Variants in SLC1A1 observed in about 807,000 individuals in gnomAD.
SLC1A1 encodes excitatory amino acid transporter 3.
A neutral mutation model predicts 53.3 loss-of-function variants in SLC1A1; 43 were observed. The observed-to-expected ratio is 0.81, with a 90% CI of 0.63 to 1.04. The LOEUF (loss-of-function observed/expected upper bound fraction) is 1.04, where lower values mean the gene tolerates loss of function less well. SLC1A1 is among the 50% of genes least tolerant of loss of function. The pLI is 0.00. For synonymous variants in SLC1A1, 307 were observed against 243.2 expected, an observed-to-expected ratio of 1.26 and a Z score of -2.44; for missense variants, 748 against 664.9, an observed-to-expected ratio of 1.12 and a Z score of -1.37.
At chr9:4,528,306 C>A (rs1438177035) in intron 1 of SLC1A1, among the ~76,000 whole-genome samples, 2 of 152,198 alleles carry the variant, frequency 1.3e-5, no homozygotes, top group Admixed American at 6.5e-5. Context: ...GGCACAGTGG[C>A]TCATGCCTGT....
At chr9:4,535,637 G>C (rs982876902) in intron 1 of SLC1A1, among the ~76,000 whole-genome samples, 9 of 152,080 alleles carry the variant, frequency 5.9e-5, no homozygotes, top group African/African-American at 2.2e-4. Context: ...TACTGCCCAA[G>C]GTAATTTATA....
chr9:4,559,450 G>A (rs1033317559), intron 2 of SLC1A1, among the ~76,000 whole-genome samples: 1 of 146,762 alleles, frequency 6.8e-6, no homozygotes, highest in Non-Finnish European at 1.5e-5. Flanking sequence ...GAAATGACTT[G>A]TTCTGTCATC....
intron 1 of SLC1A1, among the ~76,000 whole-genome samples, chr9:4,514,065 C>T (rs536957238): frequency 6.6e-5 from 10 of 152,144 alleles, no homozygotes; most frequent in Non-Finnish European, 1.5e-4. Context: ...AAAGATACAG[C>T]ATGAGAGAGC....
At chr9:4,580,456 C>A (rs954754759) in intron 10 of SLC1A1, among the ~76,000 whole-genome samples, 3 of 151,858 alleles carry the variant, frequency 2.0e-5, no homozygotes, top group African/African-American at 7.3e-5. Context: ...TGGAGTGCAT[C>A]TGTGGTCTCA....
At chr9:4,558,094 C>G (rs1818592789) in intron 2 of SLC1A1, among the ~76,000 whole-genome samples, 1 of 152,142 alleles carries the variant, frequency 6.6e-6, no homozygotes, top group Non-Finnish European at 1.5e-5. Flanking sequence ...TGACATTACT[C>G]GCAGATGGGG....
chr9:4,531,139 A>C (rs1816451468), intron 1 of SLC1A1, among the ~76,000 whole-genome samples: 1 of 152,228 alleles, frequency 6.6e-6, no homozygotes, highest in Non-Finnish European at 1.5e-5. Context: ...GTGACTCAGA[A>C]GATGGGTGAT....
intron 1 of SLC1A1, among the ~76,000 whole-genome samples, chr9:4,539,281 G>A (rs1228081245): frequency 6.6e-6 from 1 of 152,212 alleles, no homozygotes; most frequent in African/African-American, 2.4e-5. Flanking sequence ...AAAAACGAGA[G>A]AGGGAGAGAT....
chr9:4,571,027 T>C (rs111364505), intron 6 of SLC1A1, among the ~76,000 whole-genome samples: 8 of 152,130 alleles, frequency 5.3e-5, no homozygotes, highest in African/African-American at 1.4e-4. Context: ...TGTACATATA[T>C]ACCATGGAAT....
intron 1 of SLC1A1, among the ~76,000 whole-genome samples, chr9:4,533,374 C>T (rs546241868): frequency 1.1e-4 from 17 of 152,004 alleles, no homozygotes; most frequent in South Asian, 8.3e-4. Flanking sequence ...GGAAGATCTA[C>T]CAAGCAAATG....
chr9:4,514,474 C>T (rs145132262), intron 1 of SLC1A1, among the ~76,000 whole-genome samples: 121 of 152,272 alleles, frequency 7.9e-4, no homozygotes, highest in Middle Eastern at 3.4e-3. Context: ...GGCTTGGGGA[C>T]GCACATGTCA....
chr9:4,538,608 T>C (rs529352763), intron 1 of SLC1A1, among the ~76,000 whole-genome samples: 8 of 152,382 alleles, frequency 5.2e-5, no homozygotes, highest in Admixed American at 3.3e-4. Context: ...TTTTTGCATT[T>C]ATTTTTATTG....
intron 1 of SLC1A1, among the ~76,000 whole-genome samples, chr9:4,498,180 AG>A (rs200019989): frequency 1.4e-4 from 22 of 152,318 alleles, no homozygotes; most frequent in Non-Finnish European, 3.1e-4. Context: ...TAAGGAGCTA[AG>A]GGGGTTCAAA....
chr9:4,512,907 G>T (rs1230745666), intron 1 of SLC1A1, among the ~76,000 whole-genome samples: 4 of 152,124 alleles, frequency 2.6e-5, no homozygotes, highest in African/African-American at 9.7e-5. Flanking sequence ...TGAGATTGCA[G>T]GTGTGAGCCA....
chr9:4,533,050 G>C (rs181989958), intron 1 of SLC1A1, among the ~76,000 whole-genome samples: 55 of 152,254 alleles, frequency 3.6e-4, no homozygotes, highest in African/African-American at 9.6e-4. Context: ...CCTTACAAGA[G>C]CTCCTGAAAG....
intron 1 of SLC1A1, among the ~76,000 whole-genome samples, chr9:4,539,276 C>G (rs558214389): frequency 6.6e-6 from 1 of 152,158 alleles, no homozygotes; most frequent in Non-Finnish European, 1.5e-5. Context: ...CTGGAAAAAA[C>G]GAGAGAGGGA....
At chr9:4,568,185 C>T (rs551125769) in intron 6 of SLC1A1, among the ~76,000 whole-genome samples, 11 of 152,056 alleles carry the variant, frequency 7.2e-5, no homozygotes, top group African/African-American at 2.4e-4. Flanking sequence ...GCTGGGATGC[C>T]GAGGCGGGAG....
chr9:4,528,362 G>T (rs1315196825), intron 1 of SLC1A1, among the ~76,000 whole-genome samples: 3 of 152,288 alleles, frequency 2.0e-5, no homozygotes, highest in African/African-American at 7.2e-5. Flanking sequence ...CACGGGGTCA[G>T]GAGATCAGGA....
chr9:4,520,061 T>C (rs1327408810), intron 1 of SLC1A1, among the ~76,000 whole-genome samples: 1 of 152,260 alleles, frequency 6.6e-6, no homozygotes, highest in Non-Finnish European at 1.5e-5. Context: ...ATTAAGCTCT[T>C]AAGCATCTCC....
chr9:4,561,707 C>T (rs371299052), intron 3 of SLC1A1, among the ~76,000 whole-genome samples, 166 bp downstream of exon 3: 43 of 152,050 alleles, frequency 2.8e-4, no homozygotes, highest in African/African-American at 1.0e-3. Flanking sequence ...GCCTGGCCAA[C>T]ATGAAAACCC....
Sources: gnomAD v4.1 joint callset for allele counts (sites outside exome capture counted in the v4.1 genomes callset) on GRCh38, gnomAD v4.1.1 for gene constraint, MANE v1.5 for transcripts, NCBI Gene and HGNC (gene_info 2026-07-23, HGNC 2026-07-21) for gene names.